UGT2B4: variants seen among roughly 807,000 people sequenced by gnomAD.
UGT2B4 encodes UDP-glucuronosyltransferase 2B4.
In UGT2B4, 49 loss-of-function variants were observed where a neutral mutation model predicts 49.8. The ratio of observed to expected loss-of-function variants is 0.98; its 90% CI spans 0.78 to 1.25. UGT2B4 has a LOEUF of 1.25. UGT2B4 is among the 50% of genes most tolerant of loss of function. The probability of loss-of-function intolerance (pLI) is 0.00; values close to 1 mark genes in which losing one functional copy is unlikely to be tolerated. For missense variants in UGT2B4, 729 were observed against 627.7 expected, an observed-to-expected ratio of 1.16 and a Z score of -1.73; for synonymous variants, 246 against 217.7, an observed-to-expected ratio of 1.13 and a Z score of -1.14.
intron 1 of UGT2B4, among the ~76,000 whole-genome samples, chr4:69,501,032 C>T (rs1047089054): frequency 2.6e-5 from 4 of 152,170 alleles, no homozygotes; most frequent in South Asian, 2.1e-4. Context: ...TGAATTCAGG[C>T]GGCCACCTGC....
chr4:69,512,028 A>G (rs1473808169), intron 1 of UGT2B4, among the ~76,000 whole-genome samples: 2 of 150,518 alleles, frequency 1.3e-5, no homozygotes, highest in Non-Finnish European at 3.0e-5. Context: ...ATTTTATTTG[A>G]TTATTCTATT....
chr4:69,494,455 C>T (rs1258462292), intron 1 of UGT2B4, among the ~76,000 whole-genome samples: 2 of 151,936 alleles, frequency 1.3e-5, no homozygotes, highest in African/African-American at 2.4e-5. Context: ...TGCATTCAAC[C>T]TTAATTTGGC....
upstream of UGT2B4, among the ~76,000 whole-genome samples, chr4:69,498,630 T>C (rs897819788): frequency 3.3e-5 from 5 of 152,150 alleles, no homozygotes; most frequent in African/African-American, 1.2e-4. Context: ...TTTATCTACT[T>C]CTAGATTTTC....
intron 1 of UGT2B4, among the ~76,000 whole-genome samples, chr4:69,516,322 A>G (rs928015589): frequency 6.6e-6 from 1 of 152,192 alleles, no homozygotes. Context: ...TAATAAAATC[A>G]TATGCATTCC....
chr4:69,515,287 AAC>A (rs151163407), intron 1 of UGT2B4, among the ~76,000 whole-genome samples: 7,064 of 152,274 alleles, frequency 0.046, 192 homozygotes, highest in Middle Eastern at 0.065. Context: ...ATCCTCAGCA[AAC>A]ACAAAAAACT....
At chr4:69,486,791 G>T in intron 3 of UGT2B4, 95 bp from the exon 4 acceptor site, 2 of 922,254 alleles carry the variant, frequency 2.2e-6, no homozygotes, top group East Asian at 5.4e-5. Flanking sequence ...GAAGAACAAG[G>T]GATGTTAAGT....
chr4:69,520,549 G>A (rs568659285), intron 1 of UGT2B4, among the ~76,000 whole-genome samples: 7 of 152,212 alleles, frequency 4.6e-5, no homozygotes, highest in Admixed American at 1.3e-4. Context: ...GCCAGCTCCC[G>A]CTGCCTGGCT....
At chr4:69,522,217 C>CATG (rs386400406) in intron 1 of UGT2B4, among the ~76,000 whole-genome samples, 15 of 151,696 alleles carry the variant, frequency 9.9e-5, no homozygotes, top group African/African-American at 3.6e-4. Flanking sequence ...AATTAGAAAT[C>CATG]ATATTTACTT....
rs1309454258 is a variant in UGT2B4, at chr4:69,484,603, C to G, written c.1310+605G>C. 2.0e-5 allele frequency among the ~76,000 whole-genome samples: 3 copies of G among 152,048 alleles called. 1 individual carries two copies. Among genetic ancestry groups the G allele is most frequent in the Non-Finnish European group, 4.4e-5 (3 of 68,014 alleles). On this transcript the variant is annotated intron_variant, in intron 5 of 5. Coordinates refer to ENST00000305107, the MANE Select transcript of UGT2B4 (RefSeq NM_021139.3). Reference sequence around the variant, plus strand: ...GAGAATAATCTATAGAGAAGGAAAGCAAATTGGTGTTAGCCTAGGGCTAAG... The same window carrying G: ...GAGAATAATCTATAGAGAAGGAAAGGAAATTGGTGTTAGCCTAGGGCTAAG...
chr4:69,505,640 C>T (rs548645653), intron 1 of UGT2B4, among the ~76,000 whole-genome samples: 3 of 152,110 alleles, frequency 2.0e-5, no homozygotes, highest in Non-Finnish European at 4.4e-5. Flanking sequence ...TCCCCCGTGG[C>T]AATATTAAAC....
intron 1 of UGT2B4, among the ~76,000 whole-genome samples, chr4:69,504,680 A>T (rs199878066): frequency 1.5e-4 from 4 of 25,826 alleles, no homozygotes; most frequent in Admixed American, 5.8e-4. Context: ...ACCATATTTC[A>T]GGTACCATCC....
At chr4:69,500,475 G>A (rs1038821111), upstream of UGT2B4, among the ~76,000 whole-genome samples, 60 of 132,302 alleles carry the variant, frequency 4.5e-4, no homozygotes, top group African/African-American at 1.6e-3. Flanking sequence ...GAAGAAGAAA[G>A]GAAGAAAAGA....
At chr4:69,482,366 A>G (rs752784484) in intron 5 of UGT2B4, among the ~76,000 whole-genome samples, 2 of 152,212 alleles carry the variant, frequency 1.3e-5, no homozygotes, top group Non-Finnish European at 2.9e-5. Flanking sequence ...ACATAAGTGT[A>G]CATACGCTAA....
At chr4:69,525,586 A>G in intron 1 of UGT2B4, 2 of 576,318 alleles carry the variant, frequency 3.5e-6, no homozygotes, top group Non-Finnish European at 4.6e-6. Context: ...AACGTGATAT[A>G]GTTTCAAGAT....
At chr4:69,513,728 T>C (rs1728663943) in intron 1 of UGT2B4, among the ~76,000 whole-genome samples, 1 of 152,216 alleles carries the variant, frequency 6.6e-6, no homozygotes, top group South Asian at 2.1e-4. Context: ...TTTTTCTATT[T>C]GTGTCCTCTC....
At chr4:69,512,623 A>G (rs1456959825) in intron 1 of UGT2B4, among the ~76,000 whole-genome samples, 1 of 152,180 alleles carries the variant, frequency 6.6e-6, no homozygotes, top group Non-Finnish European at 1.5e-5. Context: ...TCTTTGAGGA[A>G]ATGCCACACT....
At chr4:69,504,328 A>G (rs749917312) in intron 1 of UGT2B4, among the ~76,000 whole-genome samples, 7 of 152,184 alleles carry the variant, frequency 4.6e-5, no homozygotes, top group Admixed American at 2.6e-4. Flanking sequence ...GTCAAAAATG[A>G]TAATAAATTA....
In UGT2B4 at chr4:69,502,106, T is replaced by TTTCTTTCTTTCTTTCTTTCTTTCTTTC. The variant is rs1560439045; in HGVS notation, c.-105-6167_-105-6141dup. ...TTCTTTCTCTCTCTTTCTTTCTTTC[T>TTTCTTTCTTTCTTTCTTTCTTTCTTTC]TTCTTTCTTTCTTTCTTTCTTTCTT... On this transcript the variant is annotated intron_variant, in intron 1 of 1. Transcript: ENST00000510114. Among the ~76,000 whole-genome samples, 121 of 114,172 alleles carry TTTCTTTCTTTCTTTCTTTCTTTCTTTC rather than the reference T, an allele frequency of 1.1e-3. 5 individuals carry two copies. The highest frequency in any genetic ancestry group is 4.0e-3 in the East Asian group (16 of 4,026). 74.9% of individuals were successfully genotyped at this position (114,172 alleles called of 152,430 possible).
At chr4:69,482,985 GC>G (rs1727646961) in intron 5 of UGT2B4, among the ~76,000 whole-genome samples, 1 of 151,922 alleles carries the variant, frequency 6.6e-6, no homozygotes, top group Non-Finnish European at 1.5e-5. Context: ...ACATTTGAGT[GC>G]CAACAATTTC....
Sources: gnomAD v4.1 joint callset for allele counts (sites outside exome capture counted in the v4.1 genomes callset) on GRCh38, gnomAD v4.1.1 for gene constraint, MANE v1.5 for transcripts, NCBI Gene and HGNC (gene_info 2026-07-23, HGNC 2026-07-21) for gene names.